The following PLCH1 variants were observed in gnomAD, a reference collection of about 807,000 sequenced individuals.
PLCH1 encodes 1-phosphatidylinositol 4,5-bisphosphate phosphodiesterase eta-1.
In PLCH1, 60 loss-of-function variants were observed where a neutral mutation model predicts 126.7. The ratio of observed to expected loss-of-function variants is 0.47; its 90% CI spans 0.38 to 0.59. The LOEUF (loss-of-function observed/expected upper bound fraction) is 0.59, where lower values mean the gene tolerates loss of function less well. PLCH1 is among the 20% of genes least tolerant of loss of function. PLCH1 has a pLI of 0.00. For missense variants in PLCH1, 1,723 were observed against 2,040.0 expected, an observed-to-expected ratio of 0.84 and a Z score of 2.99; for synonymous variants, 719 against 734.9, an observed-to-expected ratio of 0.98 and a Z score of 0.35.
chr3:155,618,396 G>A (rs530003507), intron 2 of PLCH1, among the ~76,000 whole-genome samples: 16 of 152,088 alleles, frequency 1.1e-4, no homozygotes, highest in South Asian at 2.1e-4. Flanking sequence ...TATTTCTTAC[G>A]ATACAGGCAA....
At chr3:155,453,827 T>C (rs1279826443) in intron 21 of PLCH1, among the ~76,000 whole-genome samples, 5 of 151,606 alleles carry the variant, frequency 3.3e-5, no homozygotes, top group African/African-American at 1.2e-4. Flanking sequence ...AATATAGATA[T>C]TCTATTTCTT....
intron 21 of PLCH1, among the ~76,000 whole-genome samples, chr3:155,462,001 T>C (rs1181466123): frequency 6.6e-6 from 1 of 152,240 alleles, no homozygotes; most frequent in Non-Finnish European, 1.5e-5. Context: ...AAATGTGTAC[T>C]TTCTGTTCCT....
At chr3:155,670,740 T>C (rs1036174069) in intron 2 of PLCH1, among the ~76,000 whole-genome samples, 2 of 152,122 alleles carry the variant, frequency 1.3e-5, no homozygotes, top group East Asian at 1.9e-4. Flanking sequence ...ACATCACCCA[T>C]ATACTCCAAA....
At chr3:155,513,886 G>A (rs1281531512) in intron 12 of PLCH1, among the ~76,000 whole-genome samples, 1 of 152,142 alleles carries the variant, frequency 6.6e-6, no homozygotes, top group Non-Finnish European at 1.5e-5. Flanking sequence ...GATTAGCTTG[G>A]GGGTAGGCAC....
chr3:155,542,548 C>T (rs532289), intron 10 of PLCH1, among the ~76,000 whole-genome samples: 82,881 of 151,402 alleles, frequency 0.55, 27,486 homozygotes, highest in Non-Finnish European at 0.75. Flanking sequence ...TCTCCCAGCA[C>T]GCAGCTGGAG....
intron 8 of PLCH1, among the ~76,000 whole-genome samples, chr3:155,559,941 A>G (rs1727354487): frequency 1.3e-5 from 2 of 152,214 alleles, no homozygotes; most frequent in Admixed American, 6.5e-5. Context: ...TATCTTAATC[A>G]GATAACTTTC....
chr3:155,469,288 C>T (rs1048487134), intron 21 of PLCH1, among the ~76,000 whole-genome samples: 1 of 152,152 alleles, frequency 6.6e-6, no homozygotes, highest in African/African-American at 2.4e-5. Context: ...CAGGGAGTGC[C>T]CTTTCCGAGT....
In PLCH1 at chr3:155,529,391, T is replaced by C. The variant is rs1319485392; in HGVS notation, c.1363-5387A>G. ...GAGTCTATCGAAAATTACTATTTGT[T>C]TTTTTTTTTCATAAGCAACGTTTTA... is the stretch of plus-strand genomic sequence containing the variant. On this transcript the variant is annotated intron_variant, in intron 10 of 22. Transcript: ENST00000460012. Among the ~76,000 whole-genome samples the C allele has an allele frequency of 3.3e-4, 3 of 9,014 alleles. No individual in the cohort carries two copies. In the Non-Finnish European group the frequency reaches 0.013, roughly 38 times the overall value. 5.9% of individuals were successfully genotyped at this position (9,014 alleles called of 152,430 possible).
At chr3:155,577,270 C>T (rs1730099458) in intron 6 of PLCH1, among the ~76,000 whole-genome samples, 1 of 152,048 alleles carries the variant, frequency 6.6e-6, no homozygotes, top group South Asian at 2.1e-4. Flanking sequence ...AAATAAATAA[C>T]TTGGTTTTAT....
At chr3:155,696,771 T>C (rs1745844610) in intron 2 of PLCH1, among the ~76,000 whole-genome samples, 1 of 152,208 alleles carries the variant, frequency 6.6e-6, no homozygotes, top group African/African-American at 2.4e-5. Flanking sequence ...AAAATTGGTA[T>C]TCCCAAGCAT....
intron 2 of PLCH1, among the ~76,000 whole-genome samples, chr3:155,654,787 T>C (rs1453949759): frequency 1.3e-5 from 2 of 152,190 alleles, no homozygotes; most frequent in Non-Finnish European, 2.9e-5. Context: ...TCCTCCATGG[T>C]GCAGTCTAAG....
intron 10 of PLCH1, among the ~76,000 whole-genome samples, chr3:155,537,195 A>AC (rs1560128028): frequency 1.2e-4 from 3 of 25,538 alleles, no homozygotes; most frequent in Non-Finnish European, 4.0e-4. Context: ...ACAAAAAAAA[A>AC]AAAAACCAAA....
chr3:155,625,350 A>G (rs1737100552), intron 2 of PLCH1, among the ~76,000 whole-genome samples: 1 of 152,228 alleles, frequency 6.6e-6, no homozygotes, highest in South Asian at 2.1e-4. Flanking sequence ...CTTCATGACT[A>G]AAACACCAAA....
chr3:155,500,293 G>A (rs1308732026), intron 14 of PLCH1, among the ~76,000 whole-genome samples: 1 of 152,176 alleles, frequency 6.6e-6, no homozygotes, highest in Non-Finnish European at 1.5e-5. Flanking sequence ...CAGATACAAT[G>A]AGGAGCCAAA....
intron 2 of PLCH1, among the ~76,000 whole-genome samples, chr3:155,632,947 G>C (rs1271200366): frequency 6.6e-6 from 1 of 151,678 alleles, no homozygotes; most frequent in African/African-American, 2.4e-5. Flanking sequence ...TTCTGAAAAA[G>C]AAAAATCACT....
chr3:155,741,950 G>A (rs1267127362), intron 1 of PLCH1, among the ~76,000 whole-genome samples: 1 of 151,964 alleles, frequency 6.6e-6, no homozygotes. Context: ...AAGCAAATAG[G>A]TGCACATAAT....
intron 12 of PLCH1, among the ~76,000 whole-genome samples, chr3:155,513,955 T>C (rs150494170): frequency 9.9e-4 from 150 of 152,264 alleles, no homozygotes; most frequent in African/African-American, 3.2e-3. Flanking sequence ...TGTCTCAATC[T>C]CTCTGGATAT....
At chr3:155,531,477 T>C (rs1026685509) in intron 10 of PLCH1, among the ~76,000 whole-genome samples, 7 of 152,074 alleles carry the variant, frequency 4.6e-5, no homozygotes, top group African/African-American at 1.7e-4. Flanking sequence ...ATACAAAAAT[T>C]AGCTGGGCGT....
At chr3:155,504,709 C>T in intron 12 of PLCH1, 83 bp from the exon 13 acceptor site, 1 of 882,234 alleles carries the variant, frequency 1.1e-6, no homozygotes, top group Non-Finnish European at 1.9e-6. Flanking sequence ...AGCAAGGGGG[C>T]CCTCTTTTCT....
Sources: gnomAD v4.1 joint callset for allele counts (sites outside exome capture counted in the v4.1 genomes callset) on GRCh38, gnomAD v4.1.1 for gene constraint, MANE v1.5 for transcripts, NCBI Gene and HGNC (gene_info 2026-07-23, HGNC 2026-07-21) for gene names.